CCDC190: variants seen among roughly 807,000 people sequenced by gnomAD.
CCDC190 encodes the protein coiled-coil domain-containing protein 190.
Under a neutral mutation model 13.1 loss-of-function variants are expected in CCDC190, and 10 were observed. The observed-to-expected ratio is 0.77, with a 90% confidence interval of 0.47 to 1.30. The LOEUF is 1.30. CCDC190 is among the 50% of genes most tolerant of loss of function. The pLI is 0.00. For synonymous variants in CCDC190, 136 were observed against 127.2 expected (o/e 1.07, Z -0.47); for missense variants, 375 against 354.3 (o/e 1.06, Z -0.47).
chr1:162,852,833 A>C lies in CCDC190; in HGVS notation c.*1932T>G, dbSNP rs1327965430. Reference sequence around the variant, plus strand: ...AGTACAGTGAAAAGACCCACTTAGCAGTGACAAACCATTCACTCAGGACTC... The same window carrying C: ...AGTACAGTGAAAAGACCCACTTAGCCGTGACAAACCATTCACTCAGGACTC... On this transcript the variant is annotated 3_prime_UTR_variant, in exon 4 of 4. Coordinates refer to ENST00000367912, the MANE Select transcript of CCDC190 (RefSeq NM_001394065.1). 3 of 411,084 alleles carry C rather than the reference A, an allele frequency of 7.3e-6. No individual in the cohort carries two copies. Among genetic ancestry groups the C allele is most frequent in the Non-Finnish European group, 1.3e-5 (3 of 225,464 alleles). 25.5% of individuals were successfully genotyped at this position (411,084 alleles called of 1,614,324 possible).
intron 1 of CCDC190, among the ~76,000 whole-genome samples, chr1:162,867,230 A>G (rs1650739156): frequency 6.6e-6 from 1 of 152,166 alleles, no homozygotes; most frequent in Non-Finnish European, 1.5e-5. Flanking sequence ...CTATATCTAA[A>G]TAACACCAAC....
In CCDC190 at chr1:162,854,374, T is replaced by C. The variant is rs1650210082; in HGVS notation, c.*391A>G. On this transcript the variant is annotated 3_prime_UTR_variant, in exon 4 of 4. Coordinates refer to ENST00000367912, the MANE Select transcript of CCDC190 (RefSeq NM_001394065.1). ...ATCACATTCCTATTCCTACCACTAC[T>C]ATATATCAAACTAAAACAGAGAGAA... is the stretch of plus-strand genomic sequence containing the variant. 9.8e-7 allele frequency: 1 copy of C among 1,018,146 alleles called. No individual in the cohort carries two copies. The highest frequency in any genetic ancestry group is 1.2e-6 in the Non-Finnish European group (1 of 849,356). The allele number at this position is 1,018,146 out of a possible 1,614,324, so 63.1% of individuals were successfully genotyped here.
At chr1:162,866,836 T>TG (rs1053134868) in intron 1 of CCDC190, among the ~76,000 whole-genome samples, 8 of 151,990 alleles carry the variant, frequency 5.3e-5, no homozygotes, top group Non-Finnish European at 8.8e-5. Context: ...TATAATTTAA[T>TG]GGGGGGGAAA....
chr1:162,853,876 T>TA lies in CCDC190; in HGVS notation c.*888dup, dbSNP rs1357761101. Among the ~76,000 whole-genome samples the TA allele has an allele frequency of 1.3e-5, 2 of 152,214 alleles. No individual in the cohort carries two copies. The highest frequency in any genetic ancestry group is 4.8e-5 in the African/African-American group (2 of 41,456). On this transcript the variant is annotated 3_prime_UTR_variant, in exon 4 of 4. Transcript: ENST00000367912. ...CACTTCATTAGGTAGACAGTAAGTT[T>TA]AAAACGCATTAACAAAAAGCTATTA... is the stretch of plus-strand genomic sequence containing the variant.
intron 1 of CCDC190, among the ~76,000 whole-genome samples, chr1:162,867,842 G>C (rs994273553): frequency 6.6e-6 from 1 of 152,082 alleles, no homozygotes; most frequent in Non-Finnish European, 1.5e-5. Flanking sequence ...AAAGAGAAGT[G>C]GATTCCATAT....
rs955030939 is a variant in CCDC190 at position 162,853,981 on chromosome 1, C to A, written c.*784G>T. 4.6e-5 allele frequency among the ~76,000 whole-genome samples: 7 copies of A among 152,138 alleles called. No individual in the cohort carries two copies. The highest frequency in any genetic ancestry group is 1.2e-4 in the African/African-American group (5 of 41,442). ...GATGGGAAACAAAATCTAATCGATTCTTTTACAGTGTAGCCCAAGACATAG... is the reference window on the plus strand; with the variant it reads ...GATGGGAAACAAAATCTAATCGATTATTTTACAGTGTAGCCCAAGACATAG... On this transcript the variant is annotated 3_prime_UTR_variant, in exon 4 of 4. Transcript: ENST00000367912.
At position 162,855,078 on chromosome 1, in the gene CCDC190, C is replaced by T. The variant is rs1650247334; in HGVS notation, c.593G>A (p.Ser198Asn). 6.2e-7 allele frequency: 1 copy of T among 1,613,940 alleles called. No individual in the cohort carries two copies. The highest frequency in any genetic ancestry group is 1.3e-5 in the African/African-American group (1 of 74,944). Residue 198 changes from serine (S) to asparagine (N), a missense_variant, in exon 4 of 4, where the codon AGT becomes AAT. Coordinates refer to ENST00000367912, the MANE Select transcript of CCDC190 (RefSeq NM_001394065.1). ...ATCAGCACATGCCATTCCACTATCA[C>T]TAGCTGGGCTGGAACTAGGACCTTG... ...IEQGPSSSPA[S>N]DSGMACADET...
chr1:162,856,874 A>G (rs975908613), intron 2 of CCDC190, among the ~76,000 whole-genome samples: 9 of 152,098 alleles, frequency 5.9e-5, no homozygotes, highest in Non-Finnish European at 1.3e-4. Context: ...TCTTCCATGT[A>G]AGAACTTCAC....
At chr1:162,868,132 AC>A (rs1650770672) in intron 1 of CCDC190, among the ~76,000 whole-genome samples, 1 of 152,232 alleles carries the variant, frequency 6.6e-6, no homozygotes, top group Non-Finnish European at 1.5e-5. Flanking sequence ...AGGCAAGTAA[AC>A]AAAAAATAGA....
chr1:162,859,527 G>T lies in CCDC190; in HGVS notation c.120C>A (p.Leu40=). 1 of 1,613,836 alleles carries T rather than the reference G, an allele frequency of 6.2e-7. No individual in the cohort carries two copies. Among genetic ancestry groups the T allele is most frequent in the Non-Finnish European group, 8.5e-7 (1 of 1,179,834 alleles). The change falls in exon 2 of 4, where the codon CTC becomes CTA. Residue 40 remains leucine (L), a synonymous_variant. Coordinates refer to ENST00000367912, the MANE Select transcript of CCDC190 (RefSeq NM_001394065.1). ...CCCAGGTCAGCAATTTCACATGGTA[G>T]AGGCAAATAACCTTTAGTCTCTGCA... is the stretch of plus-strand genomic sequence containing the variant. ...QRLQRLKVIC[L]YHVKLLTWEQ...
chr1:162,866,989 C>T (rs1346165107), intron 1 of CCDC190, among the ~76,000 whole-genome samples: 2 of 151,942 alleles, frequency 1.3e-5, no homozygotes, highest in Admixed American at 6.6e-5. Context: ...AACTACAAAA[C>T]TTCTAGAAGA....
rs1332595612 is a variant in CCDC190, at chr1:162,854,411, T to G, written c.*354A>C. 4 of 1,047,354 alleles carry G rather than the reference T, an allele frequency of 3.8e-6. No homozygotes were observed. The highest frequency in any genetic ancestry group is 4.6e-6 in the Non-Finnish European group (4 of 868,164). 64.9% of individuals were successfully genotyped at this position (1,047,354 alleles called of 1,614,324 possible). A position where few individuals can be genotyped will look rare whatever the true frequency, so the allele number is the denominator to read the frequency against. On this transcript the variant is annotated 3_prime_UTR_variant, in exon 4 of 4. Transcript: ENST00000367912. The stretch of plus-strand genomic sequence containing the variant: ...TAAAACAGAGAGAATAGCTATGCCG[T>G]TTTGCCAGCAGGTGGCACCATGAGA...
At position 162,854,881 on chromosome 1, in the gene CCDC190, G is replaced by C. The variant is rs1189844892; in HGVS notation, c.790C>G (p.Pro264Ala). Reference sequence around the variant, plus strand: ...ATGCTAAGCAACCTCTCAGACTCAGGGGGGACCCTGTGCCGGAGATAATGG... The same window carrying C: ...ATGCTAAGCAACCTCTCAGACTCAGCGGGGACCCTGTGCCGGAGATAATGG... ...NAHYLRHRVP[P>A]ESERLLSIGE... is the part of the protein sequence containing the mutation. Residue 264 changes from proline (P) to alanine (A), a missense_variant, in exon 4 of 4, where the codon CCT (proline) becomes GCT (alanine). Coordinates refer to ENST00000367912, the MANE Select transcript of CCDC190 (RefSeq NM_001394065.1). 1 of 1,613,900 alleles carries C rather than the reference G, an allele frequency of 6.2e-7. No homozygotes were observed. The highest frequency in any genetic ancestry group is 8.5e-7 in the Non-Finnish European group (1 of 1,179,894).
upstream of CCDC190, among the ~76,000 whole-genome samples, chr1:162,862,209 C>T (rs144273811): frequency 2.6e-5 from 4 of 152,096 alleles, no homozygotes; most frequent in African/African-American, 9.7e-5. Flanking sequence ...CCCTTTGTTG[C>T]CACTATAGCT....
At chr1:162,863,566 G>A (rs780772467), upstream of CCDC190, among the ~76,000 whole-genome samples, 1 of 152,116 alleles carries the variant, frequency 6.6e-6, no homozygotes, top group African/African-American at 2.4e-5. Context: ...AACAAACCAG[G>A]GAATCATTAT....
intron 2 of CCDC190, 21 bp downstream of exon 2, chr1:162,859,439 C>T: frequency 6.2e-7 from 1 of 1,606,916 alleles, no homozygotes; most frequent in Non-Finnish European, 8.5e-7. Flanking sequence ...GCATCCTCCT[C>T]ACCAGTCCTG....
At chr1:162,859,016 A>G (rs1332236879) in intron 2 of CCDC190, among the ~76,000 whole-genome samples, 3 of 152,090 alleles carry the variant, frequency 2.0e-5, no homozygotes, top group East Asian at 3.9e-4. Flanking sequence ...TTTCTTTTTT[A>G]ACTTTCATAA....
intron 3 of CCDC190, 81 bp from the exon 4 acceptor site, chr1:162,855,440 GC>G: frequency 6.7e-7 from 1 of 1,489,006 alleles, no homozygotes; most frequent in South Asian, 1.3e-5. Flanking sequence ...TTAGGATGTG[GC>G]CCCCTTCAGT....
intron 2 of CCDC190, among the ~76,000 whole-genome samples, chr1:162,858,746 T>G (rs974714609): frequency 6.6e-6 from 1 of 152,234 alleles, no homozygotes; most frequent in Non-Finnish European, 1.5e-5. Context: ...CTAATTATTT[T>G]AATGATGAAC....
Sources: allele counts gnomAD v4.1 joint callset (sites outside exome capture counted in the v4.1 genomes callset), GRCh38; gene constraint gnomAD v4.1.1; transcripts MANE v1.5; gene names NCBI Gene and HGNC (gene_info 2026-07-23, HGNC 2026-07-21).